ELMOD1: variants seen among roughly 807,000 people sequenced by gnomAD.
ELMOD1 encodes the protein ELMO domain containing 1, also known as ELMO domain-containing protein 1.
In ELMOD1, 21 loss-of-function variants were observed where a neutral mutation model predicts 46.7. That is an observed-to-expected ratio of 0.45 (90% CI 0.32 to 0.65). ELMOD1 has a LOEUF of 0.65. ELMOD1 is among the 30% of genes least tolerant of loss of function. The probability of loss-of-function intolerance (pLI) is 0.04; values close to 1 mark genes in which losing one functional copy is unlikely to be tolerated. For missense variants in ELMOD1, 348 were observed against 407.8 expected, an observed-to-expected ratio of 0.85 and a Z score of 1.26; for synonymous variants, 122 against 138.2, an observed-to-expected ratio of 0.88 and a Z score of 0.82.
chr11:107,610,786 C>T (rs1180325019), intron 1 of ELMOD1, among the ~76,000 whole-genome samples: 1 of 151,524 alleles, frequency 6.6e-6, no homozygotes, highest in African/African-American at 2.4e-5. Flanking sequence ...AGAAGTGTAT[C>T]ATGGCCGCCT....
intron 6 of ELMOD1, among the ~76,000 whole-genome samples, chr11:107,642,236 G>A (rs529023801): frequency 3.3e-5 from 5 of 151,192 alleles, no homozygotes; most frequent in Admixed American, 1.3e-4. Flanking sequence ...GCCACCGCAC[G>A]TGGCCCCTCA....
At chr11:107,636,531 T>G (rs2135695176) in intron 6 of ELMOD1, among the ~76,000 whole-genome samples, 1 of 152,338 alleles carries the variant, frequency 6.6e-6, no homozygotes, top group East Asian at 1.9e-4. Flanking sequence ...GGTATCTCCC[T>G]GCCTTTTCCT....
Position 107,618,107 on chromosome 11 carries a change from G to T in ELMOD1, c.-83G>T. ...TAATATCTAATTTCTTCCCACAGTT[G>T]ACACTTACTTTGACAAAGGCAAATT... On this transcript the variant is annotated splice_region_variant and 5_prime_UTR_variant, in exon 2 of 12. Coordinates refer to ENST00000265840, the MANE Select transcript of ELMOD1 (RefSeq NM_018712.4). 1.4e-6 allele frequency: 2 copies of T among 1,435,976 alleles called. No individual in the cohort carries two copies. The highest frequency in any genetic ancestry group is 2.5e-5 in the South Asian group (2 of 81,474). 89.0% of individuals were successfully genotyped at this position (1,435,976 alleles called of 1,614,324 possible). A position where few individuals can be genotyped will look rare whatever the true frequency, so the allele number is the denominator to read the frequency against.
chr11:107,645,334 GT>G (rs1301557472), intron 6 of ELMOD1, among the ~76,000 whole-genome samples: 5 of 149,720 alleles, frequency 3.3e-5, no homozygotes, highest in Admixed American at 6.7e-5. Context: ...TTTGTTTTTT[GT>G]TTTTTTTAGA....
At chr11:107,612,045 C>T (rs144093228) in intron 1 of ELMOD1, among the ~76,000 whole-genome samples, 137 of 152,138 alleles carry the variant, frequency 9.0e-4, no homozygotes, top group African/African-American at 3.1e-3. Context: ...ATAAATCATT[C>T]GACAAAAAGA....
At chr11:107,618,855 G>A (rs752325064) in intron 2 of ELMOD1, among the ~76,000 whole-genome samples, 1 of 152,148 alleles carries the variant, frequency 6.6e-6, no homozygotes, top group East Asian at 1.9e-4. Context: ...CTGTCATTCA[G>A]TTGTCTATTA....
At chr11:107,624,274 G>C in intron 2 of ELMOD1, among the ~76,000 whole-genome samples, 1 of 152,132 alleles carries the variant, frequency 6.6e-6, no homozygotes. Flanking sequence ...AGTATAATGT[G>C]TTATAATGTG....
At chr11:107,608,634 A>C (rs1465811818) in intron 1 of ELMOD1, among the ~76,000 whole-genome samples, 1 of 152,226 alleles carries the variant, frequency 6.6e-6, no homozygotes, top group Non-Finnish European at 1.5e-5. Flanking sequence ...ATGAAGCCTC[A>C]GTAAAGAATA....
chr11:107,627,402 C>G (rs1207327579), intron 2 of ELMOD1, among the ~76,000 whole-genome samples: 1 of 152,196 alleles, frequency 6.6e-6, no homozygotes, highest in East Asian at 1.9e-4. Flanking sequence ...TGCTTCATCC[C>G]TAACACCTCC....
chr11:107,603,344 G>T (rs1865634529), intron 1 of ELMOD1, among the ~76,000 whole-genome samples: 1 of 152,212 alleles, frequency 6.6e-6, no homozygotes, highest in African/African-American at 2.4e-5. Context: ...TTCGAGACTA[G>T]CCTGGCCAAC....
intron 10 of ELMOD1, among the ~76,000 whole-genome samples, 162 bp from the exon 11 acceptor site, chr11:107,655,771 C>A (rs1426716620): frequency 1.3e-5 from 2 of 152,118 alleles, no homozygotes; most frequent in Middle Eastern, 3.4e-3. Flanking sequence ...ATTCCCAGAA[C>A]TGAGGGTTCT....
chr11:107,664,542 A>G (rs1022609373), intron 11 of ELMOD1, among the ~76,000 whole-genome samples: 2 of 152,140 alleles, frequency 1.3e-5, no homozygotes, highest in Admixed American at 6.5e-5. Flanking sequence ...TTGATTTACA[A>G]TTTTTATTGT....
rs1281166985 is a variant in ELMOD1 at position 107,654,206 on chromosome 11, A to G, written c.682A>G (p.Met228Val). The change falls in exon 10 of 12, where the codon ATG becomes GTG. Residue 228 changes from methionine to valine, a missense_variant. Transcript: ENST00000265840. ...CAAAGCAGAATGGGAGAAGAAAAGG[A>G]TGGATAAGGCAATTGGGTGAGTATG... ...FSKAEWEKKR[M>V]DKAIGYSFAI... The G allele has an allele frequency of 1.3e-6, 2 of 1,592,054 alleles. No homozygotes were observed. The highest frequency in any genetic ancestry group is 3.5e-5 in the Admixed American group (2 of 56,944).
chr11:107,643,991 G>A (rs1210676845), intron 6 of ELMOD1: 1 of 159,270 alleles, frequency 6.3e-6, no homozygotes, highest in Non-Finnish European at 1.4e-5. Flanking sequence ...TTATTATTCA[G>A]GCCAGGCACG....
intron 11 of ELMOD1, among the ~76,000 whole-genome samples, chr11:107,663,780 A>G (rs747326661): frequency 7.9e-5 from 12 of 152,174 alleles, no homozygotes; most frequent in Non-Finnish European, 1.5e-4. Flanking sequence ...AAAAACAAAA[A>G]GTATTGATTT....
chr11:107,635,439 A>G (rs1051467674), intron 5 of ELMOD1, among the ~76,000 whole-genome samples, 197 bp from the exon 6 acceptor site: 2 of 152,278 alleles, frequency 1.3e-5, no homozygotes, highest in African/African-American at 2.4e-5. Context: ...CTTCGAGGCA[A>G]ATTTTAGCCA....
intron 6 of ELMOD1, among the ~76,000 whole-genome samples, chr11:107,636,677 T>C (rs1866235226): frequency 6.6e-6 from 1 of 152,230 alleles, no homozygotes; most frequent in African/African-American, 2.4e-5. Flanking sequence ...GTGTATGTTT[T>C]TGTGTATGTA....
At chr11:107,612,680 TCA>T (rs1206923545) in intron 1 of ELMOD1, among the ~76,000 whole-genome samples, 1 of 152,124 alleles carries the variant, frequency 6.6e-6, no homozygotes, top group Non-Finnish European at 1.5e-5. Context: ...GCTCAGAACA[TCA>T]CACACACAGC....
intron 1 of ELMOD1, among the ~76,000 whole-genome samples, chr11:107,613,458 G>A (rs1025390798): frequency 6.6e-6 from 1 of 152,086 alleles, no homozygotes; most frequent in Non-Finnish European, 1.5e-5. Flanking sequence ...CACACTCCCT[G>A]CCATATCTGC....
Sources: gnomAD v4.1 joint callset for allele counts (sites outside exome capture counted in the v4.1 genomes callset) on GRCh38, gnomAD v4.1.1 for gene constraint, MANE v1.5 for transcripts, NCBI Gene and HGNC (gene_info 2026-07-23, HGNC 2026-07-21) for gene names.